RNF32: variants seen among roughly 807,000 people sequenced by gnomAD.
RNF32 encodes ring finger protein 32.
A neutral mutation model predicts 41.0 loss-of-function variants in RNF32; 36 were observed. That is an observed-to-expected ratio of 0.88 (90% CI 0.67 to 1.16). The LOEUF (loss-of-function observed/expected upper bound fraction) is 1.16. RNF32 is among the 50% of genes most tolerant of loss of function. The probability of loss-of-function intolerance (pLI) is 0.00; values close to 1 mark genes in which losing one functional copy is unlikely to be tolerated. For synonymous variants in RNF32, 154 were observed against 160.9 expected (o/e 0.96, Z 0.32); for missense variants, 413 against 436.7 (o/e 0.95, Z 0.48).
At chr7:156,671,897 G>A (rs1056346176) in intron 7 of RNF32, among the ~76,000 whole-genome samples, 1 of 152,048 alleles carries the variant, frequency 6.6e-6, no homozygotes, top group Non-Finnish European at 1.5e-5. Context: ...TCTAAATAAC[G>A]TATTAATCGA....
At chr7:156,647,153 G>GT (rs199715726) in intron 3 of RNF32, among the ~76,000 whole-genome samples, 2,961 of 151,108 alleles carry the variant, frequency 0.02, 86 homozygotes, top group East Asian at 0.12. Context: ...TGCCTGGCCT[G>GT]TTTTTTTTTA....
intron 3 of RNF32, among the ~76,000 whole-genome samples, chr7:156,645,705 G>A (rs1797897489): frequency 6.6e-6 from 1 of 152,154 alleles, no homozygotes; most frequent in Admixed American, 6.5e-5. Context: ...TTATATAAAA[G>A]GTTAACATTT....
At chr7:156,674,626 G>T (rs929856532) in intron 7 of RNF32, among the ~76,000 whole-genome samples, 12 of 152,088 alleles carry the variant, frequency 7.9e-5, no homozygotes, top group African/African-American at 2.9e-4. Context: ...AGTGAGCATT[G>T]ATGGCCCCAA....
At chr7:156,665,111 A>T (rs1801171419) in intron 7 of RNF32, among the ~76,000 whole-genome samples, 1 of 152,212 alleles carries the variant, frequency 6.6e-6, no homozygotes, top group East Asian at 1.9e-4. Context: ...AGTTCTTCAG[A>T]ACTAAAAATG....
At chr7:156,644,788 T>A (rs369714532) in intron 3 of RNF32, 31 bp downstream of exon 3, 1 of 1,577,190 alleles carries the variant, frequency 6.3e-7, no homozygotes, top group Admixed American at 2.1e-5. Flanking sequence ...ATCTTTTGGC[T>A]TATTAGGGCT....
At chr7:156,640,594 G>T (rs376064478), upstream of RNF32, 19 of 412,502 alleles carry the variant, frequency 4.6e-5, no homozygotes, top group African/African-American at 3.5e-4. Context: ...GCGCAGTGTG[G>T]TGTGGACAGG....
At chr7:156,655,917 A>G (rs917196047) in intron 4 of RNF32, among the ~76,000 whole-genome samples, 7 of 152,202 alleles carry the variant, frequency 4.6e-5, no homozygotes, top group Non-Finnish European at 8.8e-5. Flanking sequence ...GAAAGTTACT[A>G]TCTTATGGGG....
At chr7:156,675,410 C>T (rs1803647001) in intron 7 of RNF32, among the ~76,000 whole-genome samples, 1 of 152,150 alleles carries the variant, frequency 6.6e-6, no homozygotes. Context: ...TTCTCAAATT[C>T]CTTTGGGAAG....
At chr7:156,658,813 TTC>T (rs1439049357) in intron 7 of RNF32, 2 of 1,219,258 alleles carry the variant, frequency 1.6e-6, no homozygotes, top group East Asian at 2.5e-5. Flanking sequence ...TCAAAGCAAC[TTC>T]TGTTTGGCCA....
chr7:156,646,915 G>A (rs542438500), intron 3 of RNF32, among the ~76,000 whole-genome samples: 11 of 152,204 alleles, frequency 7.2e-5, no homozygotes, highest in Non-Finnish European at 1.0e-4. Context: ...GCAGTGGTGC[G>A]ATCTTGGCCC....
intron 3 of RNF32, among the ~76,000 whole-genome samples, chr7:156,650,346 C>T (rs1044201397): frequency 3.9e-5 from 6 of 152,182 alleles, no homozygotes; most frequent in Non-Finnish European, 5.9e-5. Context: ...CGGTCACATG[C>T]CCATTGATAG....
chr7:156,648,625 G>A (rs188829459), intron 3 of RNF32, among the ~76,000 whole-genome samples: 39 of 152,248 alleles, frequency 2.6e-4, no homozygotes, highest in African/African-American at 8.2e-4. Context: ...TTGATTGTGC[G>A]TATTAGTTAC....
At chr7:156,650,957 T>G (rs542367484) in intron 3 of RNF32, among the ~76,000 whole-genome samples, 1 of 152,318 alleles carries the variant, frequency 6.6e-6, no homozygotes, top group African/African-American at 2.4e-5. Context: ...GGGTCTCCAT[T>G]TAATGCCACT....
intron 3 of RNF32, among the ~76,000 whole-genome samples, chr7:156,649,101 T>C (rs1798363426): frequency 1.3e-5 from 2 of 152,198 alleles, no homozygotes; most frequent in Non-Finnish European, 2.9e-5. Flanking sequence ...TGCACTGTTT[T>C]GATTAATAGA....
chr7:156,674,653 G>T (rs981150716), intron 7 of RNF32, among the ~76,000 whole-genome samples: 4 of 152,090 alleles, frequency 2.6e-5, no homozygotes, highest in Non-Finnish European at 5.9e-5. Flanking sequence ...CAGTTTGGGT[G>T]ACAGAGCGAG....
chr7:156,654,258 A>G (rs1315774532), intron 3 of RNF32: 1 of 184,582 alleles, frequency 5.4e-6, no homozygotes, highest in Non-Finnish European at 1.1e-5. Context: ...CAGATTAAAA[A>G]CAATATAGTA....
Position 156,676,879 on chromosome 7 carries a change from C to T in RNF32, c.*224C>T, listed in dbSNP as rs1458599908. 4.0e-6 allele frequency: 2 copies of T among 505,496 alleles called. No homozygotes were observed. The highest frequency in any genetic ancestry group is 3.8e-5 in the African/African-American group (2 of 52,436). 31.3% of individuals were successfully genotyped at this position (505,496 alleles called of 1,614,324 possible). On this transcript the variant is annotated 3_prime_UTR_variant, in exon 9 of 9. Coordinates refer to ENST00000317955, the MANE Select transcript of RNF32 (RefSeq NM_030936.4). ...AATTTCAAATTTATGAGTTTAATCA[C>T]TTCAAATATGAATAGCAAAAAATGA...
chr7:156,659,110 T>A (rs1800203218), intron 7 of RNF32: 2 of 1,353,556 alleles, frequency 1.5e-6, no homozygotes, highest in East Asian at 5.8e-5. Flanking sequence ...TATTTAACAA[T>A]TTCCCATTCC....
rs1801940968 is a variant in RNF32 at position 156,669,354 on chromosome 7, G to T, written c.685-6342G>T. On this transcript the variant is annotated intron_variant, in intron 7 of 8. Coordinates refer to ENST00000317955, the MANE Select transcript of RNF32 (RefSeq NM_030936.4). This position sits in a 1 kb window ranked among gnomAD's most constrained non-coding sequence, Gnocchi z 4.2. ...AAGAATAAGTGCCAGGAAGAAAAATGCAAAGAGAGGAAGGGGAGAGAGAGT... is the reference window on the plus strand; with the variant it reads ...AAGAATAAGTGCCAGGAAGAAAAATTCAAAGAGAGGAAGGGGAGAGAGAGT... 1 of 152,260 alleles carries T rather than the reference G, an allele frequency of 6.6e-6. No individual in the cohort carries two copies. The highest frequency in any genetic ancestry group is 1.5e-5 in the Non-Finnish European group (1 of 68,062). 9.4% of individuals were successfully genotyped at this position (152,260 alleles called of 1,614,324 possible). A position where few individuals can be genotyped will look rare whatever the true frequency, so the allele number is the denominator to read the frequency against.
Sources: allele counts gnomAD v4.1 joint callset (sites outside exome capture counted in the v4.1 genomes callset), GRCh38; gene constraint gnomAD v4.1.1; non-coding constraint Gnocchi (gnomAD v3.1); transcripts MANE v1.5; gene names NCBI Gene and HGNC (gene_info 2026-07-23, HGNC 2026-07-21).